The following CD244 variants were observed in gnomAD, a reference collection of about 807,000 sequenced individuals.
CD244 encodes natural killer cell receptor 2B4.
In CD244, 20 loss-of-function variants were observed where a neutral mutation model predicts 45.5. That is an observed-to-expected ratio of 0.44 (90% CI 0.31 to 0.64). The LOEUF (loss-of-function observed/expected upper bound fraction) is 0.64. CD244 is among the 30% of genes least tolerant of loss of function. CD244 has a pLI of 0.08. For missense variants in CD244, 407 were observed against 426.9 expected (o/e 0.95, Z 0.41); for synonymous variants, 185 against 160.5 (o/e 1.15, Z -1.15).
chr1:160,834,786 G>A (rs1669269262), intron 6 of CD244, among the ~76,000 whole-genome samples: 1 of 152,198 alleles, frequency 6.6e-6, no homozygotes, highest in African/African-American at 2.4e-5. Flanking sequence ...TCAAACCCAA[G>A]ACTCTCCAGG....
At chr1:160,839,695 T>C (rs2101869666) in intron 3 of CD244, among the ~76,000 whole-genome samples, 1 of 152,332 alleles carries the variant, frequency 6.6e-6, no homozygotes, top group East Asian at 1.9e-4. Context: ...TGCCAGGGAC[T>C]TAAACATTCG....
intron 1 of CD244, among the ~76,000 whole-genome samples, chr1:160,852,718 G>A (rs1669959749): frequency 6.6e-6 from 1 of 151,726 alleles, no homozygotes; most frequent in South Asian, 2.1e-4. Flanking sequence ...TGATCCAGAA[G>A]AATTTGTACA....
Position 160,841,205 on chromosome 1 carries a change from C to T in CD244, c.655+5G>A. On this transcript the variant is annotated splice_donor_5th_base_variant and intron_variant, in intron 3 of 8. Transcript: ENST00000368034. ...GCTTGTTATAGCCCAGTGTGTTCCACTTACCCTGATGGGCATTCTGACAGT... is the reference window on the plus strand; with the variant it reads ...GCTTGTTATAGCCCAGTGTGTTCCATTTACCCTGATGGGCATTCTGACAGT... 1 of 1,614,086 alleles carries T rather than the reference C, an allele frequency of 6.2e-7. No homozygotes were observed.
At chr1:160,841,958 T>A in intron 1 of CD244, 57 bp from the exon 2 acceptor site, 2 of 1,494,718 alleles carry the variant, frequency 1.3e-6, no homozygotes, top group African/African-American at 1.4e-5. Context: ...CTGAGCAATG[T>A]GGGCAGCTGG....
chr1:160,851,018 C>A (rs528106), intron 1 of CD244, among the ~76,000 whole-genome samples: 83,327 of 152,038 alleles, frequency 0.55, 24,858 homozygotes, highest in African/African-American at 0.8. Flanking sequence ...CAAAGGGTAC[C>A]TATGAAGAGA....
At chr1:160,851,357 C>T (rs1341562355) in intron 1 of CD244, among the ~76,000 whole-genome samples, 1 of 152,114 alleles carries the variant, frequency 6.6e-6, no homozygotes, top group Admixed American at 6.5e-5. Flanking sequence ...GACATCACTT[C>T]GGAATTTCTA....
intron 1 of CD244, among the ~76,000 whole-genome samples, chr1:160,855,935 G>C (rs576233537): frequency 6.6e-6 from 1 of 152,336 alleles, no homozygotes; most frequent in East Asian, 1.9e-4. Flanking sequence ...CTCTGAGTCA[G>C]CTCAGCTTCC....
chr1:160,839,119 G>T, intron 3 of CD244, 70 bp from the exon 4 acceptor site: 2 of 1,156,022 alleles, frequency 1.7e-6, no homozygotes, highest in Non-Finnish European at 2.5e-6. Context: ...CCTGCCTGCT[G>T]CAGGGGCTGC....
chr1:160,854,288 T>G (rs1447828112), intron 1 of CD244, among the ~76,000 whole-genome samples: 2 of 152,190 alleles, frequency 1.3e-5, no homozygotes, highest in East Asian at 1.9e-4. Flanking sequence ...TAGATCAGAA[T>G]GTAGAGCGCT....
At chr1:160,839,762 C>T (rs569828038) in intron 3 of CD244, among the ~76,000 whole-genome samples, 92 of 152,282 alleles carry the variant, frequency 6.0e-4, no homozygotes, top group Non-Finnish European at 1.2e-3. Flanking sequence ...GTCATGGATA[C>T]TGAGGGACAT....
intron 8 of CD244, 89 bp from the exon 9 acceptor site, chr1:160,831,516 C>T: frequency 1.1e-6 from 1 of 937,960 alleles, no homozygotes; most frequent in East Asian, 2.4e-5. Flanking sequence ...CCCCATTTTA[C>T]AGATTTAAAA....
rs938561607 is a variant in CD244 at position 160,830,238 on chromosome 1, C to T, written c.*1109G>A. The T allele has an allele frequency of 6.6e-6, 1 of 152,364 alleles. No homozygotes were observed. The highest frequency in any genetic ancestry group is 1.5e-5 in the Non-Finnish European group (1 of 68,050). 9.4% of individuals were successfully genotyped at this position (152,364 alleles called of 1,614,324 possible). On this transcript the variant is annotated 3_prime_UTR_variant, in exon 9 of 9. Coordinates refer to ENST00000368034, the MANE Select transcript of CD244 (RefSeq NM_016382.4). The stretch of plus-strand genomic sequence containing the variant: ...GATATCACCGTTTTATATGAAACTC[C>T]TATGTTAGATACAGGGTAGGAAAAT...
At chr1:160,853,367 G>A (rs1669985850) in intron 1 of CD244, among the ~76,000 whole-genome samples, 1 of 151,464 alleles carries the variant, frequency 6.6e-6, no homozygotes, top group Non-Finnish European at 1.5e-5. Context: ...CCTTGCAGGA[G>A]GGGGGTTATC....
At chr1:160,833,257 G>A (rs1669202012) in intron 7 of CD244, among the ~76,000 whole-genome samples, 1 of 152,106 alleles carries the variant, frequency 6.6e-6, no homozygotes, top group African/African-American at 2.4e-5. Flanking sequence ...TAGGTTGAAT[G>A]GCTTATTGGA....
At chr1:160,857,234 CA>C (rs1168765961) in intron 1 of CD244, among the ~76,000 whole-genome samples, 1 of 152,212 alleles carries the variant, frequency 6.6e-6, no homozygotes, top group Admixed American at 6.5e-5. Context: ...CTATTTGGTT[CA>C]ACCACTTTGG....
intron 1 of CD244, among the ~76,000 whole-genome samples, chr1:160,849,549 T>G (rs776723303): frequency 6.6e-6 from 1 of 152,076 alleles, no homozygotes; most frequent in Non-Finnish European, 1.5e-5. Context: ...GAACACGTGG[T>G]GTTTGGTTTT....
At chr1:160,852,303 A>T (rs1481135657) in intron 1 of CD244, among the ~76,000 whole-genome samples, 2 of 152,248 alleles carry the variant, frequency 1.3e-5, no homozygotes, top group East Asian at 1.9e-4. Context: ...TAATCCCAGC[A>T]CTTTGGGAGG....
intron 1 of CD244, among the ~76,000 whole-genome samples, chr1:160,854,623 A>C (rs370452836): frequency 6.6e-6 from 1 of 150,380 alleles, no homozygotes; most frequent in Non-Finnish European, 1.5e-5. Context: ...TGAACTCCTG[A>C]CCTCAAGTAA....
chr1:160,834,128 A>C lies in CD244; in HGVS notation c.895-12T>G. 6.4e-7 allele frequency: 1 copy of C among 1,571,500 alleles called. No homozygotes were observed. Among genetic ancestry groups the C allele is most frequent in the African/African-American group, 1.3e-5 (1 of 74,192 alleles). On this transcript the variant is annotated splice_polypyrimidine_tract_variant and intron_variant, in intron 6 of 8. Coordinates refer to ENST00000368034, the MANE Select transcript of CD244 (RefSeq NM_016382.4). ...GTGGGAGCAGAAGACTAATGAGAAG[A>C]GAAATAAAATCATTTCAGAAGCACA...
Sources: gnomAD v4.1 joint callset for allele counts (sites outside exome capture counted in the v4.1 genomes callset) on GRCh38, gnomAD v4.1.1 for gene constraint, MANE v1.5 for transcripts, NCBI Gene and HGNC (gene_info 2026-07-23, HGNC 2026-07-21) for gene names.